The following RPTOR variants were observed in gnomAD, a reference collection of about 807,000 sequenced individuals.
RPTOR encodes the protein regulatory associated protein of MTOR complex 1, also known as regulatory-associated protein of mTOR.
RPTOR carries 21 observed loss-of-function variants against 169.9 expected under a neutral mutation model. That is an observed-to-expected ratio of 0.12 (90% CI 0.09 to 0.18). RPTOR has a LOEUF of 0.18. Among genes scored for constraint, RPTOR ranks in the 10% least tolerant of loss-of-function variants. The pLI is 1.00. For missense variants in RPTOR, 1,133 were observed against 1,855.9 expected, an observed-to-expected ratio of 0.61 and a Z score of 7.16; for synonymous variants, 732 against 753.2, an observed-to-expected ratio of 0.97 and a Z score of 0.46.
chr17:80,712,018 A>G (rs2066197824), intron 4 of RPTOR, among the ~76,000 whole-genome samples: 1 of 152,094 alleles, frequency 6.6e-6, no homozygotes, highest in Admixed American at 6.5e-5. Flanking sequence ...TGCTGGGATT[A>G]CAGGCGTGAG....
intron 21 of RPTOR, among the ~76,000 whole-genome samples, chr17:80,917,722 T>G (rs979019349): frequency 2.0e-5 from 3 of 152,200 alleles, no homozygotes; most frequent in Admixed American, 1.3e-4. Flanking sequence ...TTTCCTTAAC[T>G]GAGACAGACA....
Position 80,684,444 on chromosome 17 carries a change from ATTTAT to A in RPTOR, c.349-23394_349-23390del, listed in dbSNP as rs2065921121. Among the ~76,000 whole-genome samples, 44 of 122,312 alleles carry A rather than the reference ATTTAT, an allele frequency of 3.6e-4. No individual in the cohort carries two copies. In the South Asian group the frequency reaches 0.01, roughly 29 times the overall value. 80.2% of individuals were successfully genotyped at this position (122,312 alleles called of 152,430 possible). Reference sequence around the variant, plus strand: ...TATTTATTTATTTATTTATTTATTTATTTATTTAATTTTTCTGGAGGCATAGTCTC... The same window carrying A: ...TATTTATTTATTTATTTATTTATTTATTAATTTTTCTGGAGGCATAGTCTC... On this transcript the variant is annotated intron_variant, in intron 3 of 33. Coordinates refer to ENST00000306801, the MANE Select transcript of RPTOR (RefSeq NM_020761.3).
chr17:80,566,755 C>T (rs1330226585), intron 1 of RPTOR, among the ~76,000 whole-genome samples: 4 of 138,448 alleles, frequency 2.9e-5, no homozygotes, highest in Non-Finnish European at 4.5e-5. Flanking sequence ...ACCCGGGAGG[C>T]GGAGCTTGCA....
chr17:80,767,724 G>A (rs1325605853), intron 6 of RPTOR, among the ~76,000 whole-genome samples: 1 of 152,038 alleles, frequency 6.6e-6, no homozygotes, highest in East Asian at 1.9e-4. Flanking sequence ...AATTAGTAAT[G>A]GTAAAAGCTA....
At position 80,936,681 on chromosome 17, in the gene RPTOR, A is replaced by G. The variant is rs184718360; in HGVS notation, c.2920-3815A>G. Among the ~76,000 whole-genome samples the G allele has an allele frequency of 6.6e-5, 10 of 152,376 alleles. No homozygotes were observed. The highest frequency in any genetic ancestry group is 1.5e-4 in the Non-Finnish European group (10 of 68,042). ...TGTTCTATATCTTCCACATTTATCAAAACTCCGCCTGTACCTACAGAGGGC... is the reference window on the plus strand; with the variant it reads ...TGTTCTATATCTTCCACATTTATCAGAACTCCGCCTGTACCTACAGAGGGC... On this transcript the variant is annotated intron_variant, in intron 24 of 33. Coordinates refer to ENST00000306801, the MANE Select transcript of RPTOR (RefSeq NM_020761.3). The surrounding 1 kb of genome is among the most constrained non-coding windows in gnomAD (Gnocchi z 4.1).
intron 24 of RPTOR, among the ~76,000 whole-genome samples, chr17:80,929,535 T>G (rs2068850081): frequency 6.6e-6 from 1 of 152,242 alleles, no homozygotes; most frequent in South Asian, 2.1e-4. Context: ...AGAACCCAGT[T>G]TATTTCACAC....
chr17:80,850,065 C>T (rs1025114783), intron 11 of RPTOR, among the ~76,000 whole-genome samples: 2 of 152,154 alleles, frequency 1.3e-5, no homozygotes, highest in South Asian at 2.1e-4. Context: ...TTACTTGGCC[C>T]TTTTTCTTTT....
chr17:80,548,744 C>T (rs1193608943), intron 1 of RPTOR, among the ~76,000 whole-genome samples: 1 of 152,130 alleles, frequency 6.6e-6, no homozygotes, highest in Non-Finnish European at 1.5e-5. Context: ...GCCACACAGT[C>T]CCACTGTGCT....
At chr17:80,575,872 C>T (rs2064958888) in intron 1 of RPTOR, among the ~76,000 whole-genome samples, 1 of 152,160 alleles carries the variant, frequency 6.6e-6, no homozygotes, top group Admixed American at 6.5e-5. Context: ...ATAGAATTCT[C>T]TGCCCATTTG....
chr17:80,903,195 AC>A (rs2068498471), intron 20 of RPTOR, among the ~76,000 whole-genome samples: 2 of 152,208 alleles, frequency 1.3e-5, no homozygotes, highest in Non-Finnish European at 2.9e-5. Context: ...CGCCCTGCTC[AC>A]CCAGAGGAGG....
At position 80,651,357 on chromosome 17, in the gene RPTOR, G is replaced by C. The variant is rs922232426; in HGVS notation, c.348+7547G>C. On this transcript the variant is annotated intron_variant, in intron 3 of 33. Coordinates refer to ENST00000306801, the MANE Select transcript of RPTOR (RefSeq NM_020761.3). The surrounding 1 kb of genome is among the most constrained non-coding windows in gnomAD (Gnocchi z 4.1). ...GGAAAGTGCTGATCAAGGGGGAAACGATCAATAACAGATTGGAGGGGGACG... is the reference window on the plus strand; with the variant it reads ...GGAAAGTGCTGATCAAGGGGGAAACCATCAATAACAGATTGGAGGGGGACG... Among the ~76,000 whole-genome samples, 5 of 152,268 alleles carry C rather than the reference G, an allele frequency of 3.3e-5. No homozygotes were observed. The highest frequency in any genetic ancestry group is 1.2e-4 in the African/African-American group (5 of 41,546).
intron 1 of RPTOR, among the ~76,000 whole-genome samples, chr17:80,610,304 A>T (rs1212391942): frequency 6.6e-6 from 1 of 152,210 alleles, no homozygotes; most frequent in East Asian, 1.9e-4. Flanking sequence ...TTGATTATAC[A>T]ACATTATGAT....
chr17:80,868,955 G>A (rs1202067571), intron 13 of RPTOR, among the ~76,000 whole-genome samples: 1 of 152,150 alleles, frequency 6.6e-6, no homozygotes, highest in East Asian at 1.9e-4. Flanking sequence ...TGAGGGTGGG[G>A]GCACAGGGGC....
chr17:80,919,689 G>GTT (rs2068721377), intron 21 of RPTOR, among the ~76,000 whole-genome samples: 1 of 152,216 alleles, frequency 6.6e-6, no homozygotes, highest in East Asian at 1.9e-4. Context: ...CATCTTCCAG[G>GTT]CGTGTTCATG....
chr17:80,700,731 T>TGGTAGA (rs1567864672), intron 3 of RPTOR, among the ~76,000 whole-genome samples: 3 of 16,592 alleles, frequency 1.8e-4, no homozygotes, highest in Non-Finnish European at 2.9e-4. Flanking sequence ...GTGGTGGTGA[T>TGGTAGA]GATGGTGGTG....
At chr17:80,661,112 G>A (rs1043366485) in intron 3 of RPTOR, among the ~76,000 whole-genome samples, 2 of 152,154 alleles carry the variant, frequency 1.3e-5, no homozygotes, top group Non-Finnish European at 2.9e-5. Context: ...ATCTTCTGTC[G>A]GCCCTGGCCC....
intron 20 of RPTOR, among the ~76,000 whole-genome samples, chr17:80,895,693 C>A (rs1282576228): frequency 6.6e-6 from 1 of 152,236 alleles, no homozygotes; most frequent in Non-Finnish European, 1.5e-5. Flanking sequence ...GTAGATGTCG[C>A]CCCAGGCCTT....
intron 5 of RPTOR, among the ~76,000 whole-genome samples, chr17:80,750,697 G>A (rs2066622231): frequency 6.6e-6 from 1 of 152,192 alleles, no homozygotes; most frequent in African/African-American, 2.4e-5. Context: ...TCTGTGTACA[G>A]CAGGTTGCAT....
chr17:80,856,588 G>A (rs191191567), intron 12 of RPTOR, among the ~76,000 whole-genome samples: 13 of 152,308 alleles, frequency 8.5e-5, no homozygotes, highest in African/African-American at 3.1e-4. Context: ...CACTCCAGGT[G>A]CCTGAGGCCA....
Sources: gnomAD v4.1 joint callset for allele counts (sites outside exome capture counted in the v4.1 genomes callset) on GRCh38, gnomAD v4.1.1 for gene constraint, Gnocchi (gnomAD v3.1) non-coding constraint, MANE v1.5 for transcripts, NCBI Gene and HGNC (gene_info 2026-07-23, HGNC 2026-07-21) for gene names.